Variants in IFIH1 observed in about 807,000 individuals in gnomAD.
The protein encoded by IFIH1 is interferon induced with helicase C domain 1, also known as interferon-induced helicase C domain-containing protein 1.
In IFIH1, 125 loss-of-function variants were observed where a neutral mutation model predicts 107.4. The ratio of observed to expected loss-of-function variants is 1.16; its 90% confidence interval spans 1.01 to 1.35. The LOEUF (loss-of-function observed/expected upper bound fraction) is 1.35, where lower values mean the gene tolerates loss of function less well. IFIH1 is among the 40% of genes most tolerant of loss of function. The pLI is 0.00. For missense variants in IFIH1, 1,333 were observed against 1,213.7 expected, an observed-to-expected ratio of 1.10 and a Z score of -1.46; for synonymous variants, 458 against 413.2, an observed-to-expected ratio of 1.11 and a Z score of -1.31.
At position 162,280,062 on chromosome 2, in the gene IFIH1, A is replaced by G. The variant is rs1226696463; in HGVS notation, c.1575T>C (p.Leu525=). ...CCTGTATTTGGTTTTTCAGTTGATCAAGGTTTTCTTTAACAGTTTTAATAG... is the reference window on the plus strand; with the variant it reads ...CCTGTATTTGGTTTTTCAGTTGATCGAGGTTTTCTTTAACAGTTTTAATAG... ...AFTIKTVKEN[L]DQLKNQIQEP... The change falls in exon 8 of 16, where the codon CTT becomes CTC. Residue 525 remains leucine (L), a synonymous_variant. Transcript: ENST00000649979. 6.2e-7 allele frequency: 1 copy of G among 1,611,128 alleles called. No individual in the cohort carries two copies. Among genetic ancestry groups the G allele is most frequent in the Admixed American group, 1.7e-5 (1 of 59,812 alleles).
intron 2 of IFIH1, among the ~76,000 whole-genome samples, chr2:162,308,432 T>A (rs1576238113): frequency 6.6e-6 from 1 of 150,932 alleles, no homozygotes; most frequent in South Asian, 2.1e-4. Flanking sequence ...CAGGCCAGAG[T>A]GCAGTGGCAT....
intron 7 of IFIH1, among the ~76,000 whole-genome samples, chr2:162,280,989 AC>A (rs1244153803): frequency 6.6e-6 from 1 of 152,070 alleles, no homozygotes; most frequent in Non-Finnish European, 1.5e-5. Flanking sequence ...ATGTGTGACA[AC>A]TAGAAACTTT....
In IFIH1 at chr2:162,288,341, C is replaced by T. The variant is rs750878079; in HGVS notation, c.889G>A (p.Ala297Thr). The part of the protein sequence containing the change: ...MGSDSDEENV[A>T]ARASPEPELQ... ...TCTGGCTCCGGGGATGCTCTTGCTG[C>T]CACATTCTCTTCATCTGAAGAAGGT... is the stretch of plus-strand genomic sequence containing the variant. The change falls in exon 5 of 16, where the codon GCA becomes ACA. Residue 297 changes from alanine to threonine, a missense_variant. Physicochemically the swap from Ala to Thr is moderately conservative, Grantham distance 58. Transcript: ENST00000649979. 2 of 1,612,080 alleles carry T rather than the reference C, an allele frequency of 1.2e-6. No individual in the cohort carries two copies. Among genetic ancestry groups the T allele is most frequent in the South Asian group, 2.2e-5 (2 of 91,028 alleles).
At position 162,281,544 on chromosome 2, in the gene IFIH1, G is replaced by A; in HGVS notation, c.1308C>T (p.Asp436=). ...NGEDAGVQLS[D]FSLIIIDECH... Reference sequence around the variant, plus strand: ...ATTCATCAATGATAATGAGGGAAAAGTCTTAAAAGAAAATTCAAAGAGTTC... The same window carrying A: ...ATTCATCAATGATAATGAGGGAAAAATCTTAAAAGAAAATTCAAAGAGTTC... Residue 436 remains aspartate (D), a splice_region_variant and synonymous_variant, in exon 7 of 16, where the codon GAC becomes GAT. Coordinates refer to ENST00000649979, the MANE Select transcript of IFIH1 (RefSeq NM_022168.4). 1 of 1,602,384 alleles carries A rather than the reference G, an allele frequency of 6.2e-7. No individual in the cohort carries two copies.
At chr2:162,315,110 G>A (rs1355209986) in intron 1 of IFIH1, among the ~76,000 whole-genome samples, 1 of 152,142 alleles carries the variant, frequency 6.6e-6, no homozygotes, top group African/African-American at 2.4e-5. Context: ...GAAAAAGAAT[G>A]AAAATACAAG....
At chr2:162,300,686 G>A (rs969128708) in intron 3 of IFIH1, among the ~76,000 whole-genome samples, 11 of 152,120 alleles carry the variant, frequency 7.2e-5, no homozygotes, top group Non-Finnish European at 1.3e-4. Flanking sequence ...ACTAAGTTTA[G>A]AAAAATTAAA....
intron 2 of IFIH1, chr2:162,310,499 A>T (rs939958992): frequency 1.6e-5 from 8 of 504,228 alleles, no homozygotes; most frequent in African/African-American, 3.9e-5. Context: ...TCTTGATAAA[A>T]TTTCTGGTAG....
At chr2:162,315,243 C>T (rs538298089) in intron 1 of IFIH1, among the ~76,000 whole-genome samples, 27 of 152,292 alleles carry the variant, frequency 1.8e-4, no homozygotes, top group African/African-American at 3.4e-4. Context: ...CAATTCAATA[C>T]GTCATGTGTT....
At chr2:162,292,915 T>G (rs1425177149) in intron 4 of IFIH1, among the ~76,000 whole-genome samples, 2 of 147,104 alleles carry the variant, frequency 1.4e-5, no homozygotes, top group African/African-American at 5.3e-5. Context: ...ATTTGAAATC[T>G]ATCAGACTAA....
rs1479997723 is a variant in IFIH1 at position 162,282,596 on chromosome 2, T to G, written c.1096-20A>C. On this transcript the variant is annotated intron_variant, in intron 5 of 15. Transcript: ENST00000649979. ...CAGTACCTTAAAAAAATGTGAAGAT[T>G]TTTTAAAAGAGAGAAAGTTAGTCGA... The G allele has an allele frequency of 1.3e-6, 2 of 1,546,820 alleles. No homozygotes were observed. Among genetic ancestry groups the G allele is most frequent in the Non-Finnish European group, 1.8e-6 (2 of 1,131,928 alleles).
At chr2:162,285,141 G>A (rs1483021412) in intron 5 of IFIH1, among the ~76,000 whole-genome samples, 4 of 151,938 alleles carry the variant, frequency 2.6e-5, no homozygotes, top group African/African-American at 4.8e-5. Context: ...TGCCTGCCAA[G>A]ACTAATCAAA....
chr2:162,295,450 A>G (rs1212868384), intron 3 of IFIH1, among the ~76,000 whole-genome samples: 2 of 152,112 alleles, frequency 1.3e-5, no homozygotes, highest in East Asian at 3.9e-4. Flanking sequence ...TCCAATTTGG[A>G]TGAGCCTATT....
At chr2:162,291,511 T>C (rs1054938070) in intron 4 of IFIH1, among the ~76,000 whole-genome samples, 1 of 151,500 alleles carries the variant, frequency 6.6e-6, no homozygotes, top group African/African-American at 2.4e-5. Context: ...AAAAAAAGCC[T>C]CTCATAATAT....
At chr2:162,284,987 T>C (rs1043661541) in intron 5 of IFIH1, among the ~76,000 whole-genome samples, 7 of 151,998 alleles carry the variant, frequency 4.6e-5, no homozygotes, top group African/African-American at 1.2e-4. Context: ...TCACAGGAGA[T>C]AGCAGATGCT....
rs764763183 is a variant in IFIH1, at chr2:162,281,499, T to G, written c.1353A>C (p.Glu451Asp). The change falls in exon 7 of 16, where the codon GAA (glutamate) becomes GAC (aspartate). Residue 451 changes from glutamate to aspartate, a missense_variant. By Grantham distance (45) the Glu-to-Asp change is conservative. Coordinates refer to ENST00000649979, the MANE Select transcript of IFIH1 (RefSeq NM_022168.4). ...IIDECHHTNK[E>D]AVYNNIMRHY... ...GCCTCATGATGTTATTATACACTGC[T>G]TCTTTGTTGGTGTGATGACATTCAT... 2 of 1,611,884 alleles carry G rather than the reference T, an allele frequency of 1.2e-6. No individual in the cohort carries two copies. The highest frequency in any genetic ancestry group is 4.5e-5 in the East Asian group (2 of 44,820).
Position 162,267,254 on chromosome 2 carries a change from G to T in IFIH1, c.3024C>A (p.Ile1008=). ...KQYKKWVELP[I]TFPNLDYSEC... ...CTGAATAGTCAAGATTGGGAAATGT[G>T]ATAGGTAATTCTACCCACTTTTTGT... Residue 1008 remains isoleucine, a synonymous_variant, in exon 16 of 16, where the codon ATC becomes ATA. Transcript: ENST00000649979. The T allele has an allele frequency of 6.2e-7, 1 of 1,610,328 alleles. No homozygotes were observed. The highest frequency in any genetic ancestry group is 1.1e-5 in the South Asian group (1 of 89,744).
At chr2:162,292,839 A>G (rs1310879575) in intron 4 of IFIH1, among the ~76,000 whole-genome samples, 1 of 151,886 alleles carries the variant, frequency 6.6e-6, no homozygotes, top group African/African-American at 2.4e-5. Flanking sequence ...ACCTACATTT[A>G]ATAATGTTAA....
At chr2:162,274,017 T>C in intron 11 of IFIH1, 73 bp from the exon 12 acceptor site, 1 of 1,031,274 alleles carries the variant, frequency 9.7e-7, no homozygotes, top group Non-Finnish European at 1.4e-6. Context: ...GAGGAAGAAA[T>C]AATAAATTGC....
chr2:162,287,941 A>G (rs1682925613), intron 5 of IFIH1, among the ~76,000 whole-genome samples, 194 bp downstream of exon 5: 1 of 151,930 alleles, frequency 6.6e-6, no homozygotes, highest in South Asian at 2.1e-4. Flanking sequence ...TTATTGAAAA[A>G]TTTCTATTTT....
Sources: allele counts gnomAD v4.1 joint callset (sites outside exome capture counted in the v4.1 genomes callset), GRCh38; gene constraint gnomAD v4.1.1; transcripts MANE v1.5; gene names NCBI Gene and HGNC (gene_info 2026-07-23, HGNC 2026-07-21).